RMST: variants seen among roughly 807,000 people sequenced by gnomAD.
The protein encoded by RMST is rhabdomyosarcoma 2 associated transcript, also known as long intergenic non-protein coding RNA 54.
intron 11 of RMST, among the ~76,000 whole-genome samples, chr12:97,542,907 G>A (rs181623651): frequency 8.6e-5 from 13 of 151,908 alleles, no homozygotes; most frequent in Non-Finnish European, 2.9e-5. Context: ...AGCTACTCTC[G>A]ACTGTGGCTG....
intron 5 of RMST, among the ~76,000 whole-genome samples, chr12:97,467,626 T>C (rs1320948606): frequency 6.6e-6 from 1 of 152,022 alleles, no homozygotes; most frequent in Non-Finnish European, 1.5e-5. Context: ...TTTGCTTTCT[T>C]CTTGTCATTA....
chr12:97,528,628 A>ATTG (rs1313141515), intron 10 of RMST, among the ~76,000 whole-genome samples: 1 of 152,186 alleles, frequency 6.6e-6, no homozygotes, highest in East Asian at 1.9e-4. Context: ...CTTTAGGAAT[A>ATTG]AACTCTTTTC....
chr12:97,501,422 TA>T (rs1878060263), intron 10 of RMST, among the ~76,000 whole-genome samples: 1 of 152,252 alleles, frequency 6.6e-6, no homozygotes. Context: ...TAGACCATTG[TA>T]AATTAGCTTA....
chr12:97,480,680 A>C (rs1322453248), intron 5 of RMST, among the ~76,000 whole-genome samples: 1 of 152,188 alleles, frequency 6.6e-6, no homozygotes, highest in Non-Finnish European at 1.5e-5. Context: ...TTCTAGTCTT[A>C]TCTCTAACAA....
At chr12:97,552,235 A>G (rs1883359737) in intron 11 of RMST, 1 of 152,224 alleles carries the variant, frequency 6.6e-6, no homozygotes, top group Non-Finnish European at 1.5e-5. Flanking sequence ...GAAATCTCAT[A>G]TAATAAGCCA....
intron 13 of RMST, chr12:97,563,264 T>A (rs1756516447): frequency 6.4e-6 from 1 of 157,040 alleles, no homozygotes; most frequent in Admixed American, 6.4e-5. Context: ...AGGTGAGCAG[T>A]TAGCACATAG....
Position 97,512,828 on chromosome 12 carries a change from G to A in RMST, n.1340+16772G>A, listed in dbSNP as rs112608741. ...GTGGTCGATGGGACTGGGCGCAGTGGAGCAGGGGGCGGCGTGTCGGGGAGG... is the reference window on the plus strand; with the variant it reads ...GTGGTCGATGGGACTGGGCGCAGTGAAGCAGGGGGCGGCGTGTCGGGGAGG... On this transcript the variant is annotated intron_variant and non_coding_transcript_variant, in intron 10 of 13. Coordinates refer to ENST00000640149, the Ensembl canonical transcript of RMST. Among the ~76,000 whole-genome samples the A allele has an allele frequency of 1.6e-3, 243 of 152,348 alleles. 1 individual carries two copies. Among genetic ancestry groups the A allele is most frequent in the African/African-American group, 5.7e-3 (236 of 41,580 alleles).
chr12:97,531,078 T>C (rs1881581505), intron 11 of RMST, among the ~76,000 whole-genome samples: 1 of 151,688 alleles, frequency 6.6e-6, no homozygotes, highest in Non-Finnish European at 1.5e-5. Flanking sequence ...GAAAATGGAA[T>C]ATAAAGCAAT....
chr12:97,540,921 GATAA>G (rs532043428), intron 11 of RMST, among the ~76,000 whole-genome samples: 12 of 147,474 alleles, frequency 8.1e-5, no homozygotes, highest in African/African-American at 2.5e-4. Context: ...AGATTAGATA[GATAA>G]ATAGATAGAG....
At chr12:97,559,513 G>A (rs1352505529) in intron 11 of RMST, among the ~76,000 whole-genome samples, 2 of 151,902 alleles carry the variant, frequency 1.3e-5, no homozygotes, top group African/African-American at 2.4e-5. Flanking sequence ...CCCTTGGCAA[G>A]GCAATATATC....
intron 10 of RMST, among the ~76,000 whole-genome samples, chr12:97,506,734 A>G (rs1368995775): frequency 8.3e-6 from 1 of 120,988 alleles, no homozygotes; most frequent in African/African-American, 3.3e-5. Context: ...CCCAGGGTGG[A>G]GTGCAATGGC....
intron 11 of RMST, among the ~76,000 whole-genome samples, chr12:97,557,285 A>G (rs1405282048): frequency 6.6e-6 from 1 of 152,166 alleles, no homozygotes; most frequent in African/African-American, 2.4e-5. Context: ...AGGTGCAGTA[A>G]TTAAAGCTGT....
intron 11 of RMST, among the ~76,000 whole-genome samples, chr12:97,535,497 C>G (rs1881999529): frequency 2.0e-5 from 3 of 151,652 alleles, no homozygotes; most frequent in African/African-American, 4.8e-5. Context: ...GGTACTCCCC[C>G]CAATCCAGTG....
intron 10 of RMST, among the ~76,000 whole-genome samples, chr12:97,508,833 G>A (rs1004050152): frequency 3.3e-5 from 5 of 152,204 alleles, no homozygotes; most frequent in Admixed American, 6.5e-5. Context: ...TAACGTAGTG[G>A]GGTAGAAACT....
intron 10 of RMST, among the ~76,000 whole-genome samples, chr12:97,520,925 T>C (rs1880447698): frequency 6.6e-6 from 1 of 152,198 alleles, no homozygotes. Flanking sequence ...AAAGTCTGAG[T>C]TGCAGAGAAA....
At chr12:97,508,086 T>G (rs576087292) in intron 10 of RMST, among the ~76,000 whole-genome samples, 5 of 152,148 alleles carry the variant, frequency 3.3e-5, no homozygotes, top group Non-Finnish European at 5.9e-5. Context: ...ATGTTTATGA[T>G]TACCTCAGAG....
At chr12:97,524,081 A>AGG (rs1880837429) in intron 10 of RMST, among the ~76,000 whole-genome samples, 2 of 138,910 alleles carry the variant, frequency 1.4e-5, no homozygotes, top group African/African-American at 5.6e-5. Flanking sequence ...GTCTCAAAAA[A>AGG]AAAAAAAAAA....
intron 13 of RMST, chr12:97,563,534 T>G: frequency 3.2e-6 from 1 of 311,212 alleles, no homozygotes; most frequent in Non-Finnish European, 6.2e-6. Context: ...AATGTCAAAG[T>G]GATGAGCATT....
chr12:97,467,253 C>A (rs1873299217), intron 5 of RMST, among the ~76,000 whole-genome samples: 1 of 151,954 alleles, frequency 6.6e-6, no homozygotes, highest in African/African-American at 2.4e-5. Flanking sequence ...AACATCTTTG[C>A]ACCTCAATTC....
Sources: gnomAD v4.1 joint callset for allele counts (sites outside exome capture counted in the v4.1 genomes callset) on GRCh38, gnomAD v4.1.1 for gene constraint, MANE v1.5 for transcripts, NCBI Gene and HGNC (gene_info 2026-07-23, HGNC 2026-07-21) for gene names.